The following GALNT17 variants were observed in gnomAD, a reference collection of about 807,000 sequenced individuals.
The protein encoded by GALNT17 is polypeptide N-acetylgalactosaminyltransferase 17, also known as UDP-GalNAc:polypeptide N-acetylgalactosaminyltransferase-like 3.
GALNT17 carries 29 observed loss-of-function variants against 63.7 expected under a neutral mutation model. The ratio of observed to expected loss-of-function variants is 0.46; its 90% CI spans 0.34 to 0.62. GALNT17 has a LOEUF of 0.62. GALNT17 is among the 20% of genes least tolerant of loss of function. GALNT17 has a pLI of 0.01. For synonymous variants in GALNT17, 305 were observed against 318.3 expected, an observed-to-expected ratio of 0.96 and a Z score of 0.45; for missense variants, 603 against 799.6, an observed-to-expected ratio of 0.75 and a Z score of 2.97.
intron 1 of GALNT17, among the ~76,000 whole-genome samples, chr7:71,236,052 G>C: frequency 6.6e-6 from 1 of 152,058 alleles, no homozygotes; most frequent in East Asian, 1.9e-4. Flanking sequence ...GTGGTGGCAG[G>C]CACCTGTAAT....
At chr7:71,355,515 T>C (rs1792267134) in intron 2 of GALNT17, among the ~76,000 whole-genome samples, 1 of 152,112 alleles carries the variant, frequency 6.6e-6, no homozygotes, top group Admixed American at 6.6e-5. Flanking sequence ...TTTTAAATTT[T>C]ATTGCATAGT....
chr7:71,259,612 C>A (rs547399944), intron 1 of GALNT17, among the ~76,000 whole-genome samples: 1 of 150,590 alleles, frequency 6.6e-6, no homozygotes, highest in African/African-American at 2.4e-5. Context: ...TGGAGACCAA[C>A]AGATCTTGGT....
chr7:71,421,805 A>G (rs1438528601), intron 5 of GALNT17, among the ~76,000 whole-genome samples: 4 of 152,038 alleles, frequency 2.6e-5, no homozygotes, highest in East Asian at 1.9e-4. Flanking sequence ...AAAAAATTAG[A>G]TGGGCGTGGT....
At position 71,154,734 on chromosome 7, in the gene GALNT17, G is replaced by T. The variant is rs577854196; in HGVS notation, c.238+21694G>T. 1.9e-3 allele frequency among the ~76,000 whole-genome samples: 282 copies of T among 149,132 alleles called. 1 individual carries two copies. Among genetic ancestry groups the T allele is most frequent in the Middle Eastern group, 6.9e-3 (2 of 288 alleles). On this transcript the variant is annotated intron_variant, in intron 1 of 10. Transcript: ENST00000333538. ...TGGGACTACAGGCGCCCGCCACCAT[G>T]CCCGGCTAATTTTTTGTATTTTTAG...
intron 5 of GALNT17, among the ~76,000 whole-genome samples, chr7:71,491,806 G>A (rs774832241): frequency 4.6e-5 from 7 of 152,186 alleles, no homozygotes; most frequent in Non-Finnish European, 8.8e-5. Context: ...TGGCCTGGGA[G>A]TCTCACTTTG....
intron 5 of GALNT17, among the ~76,000 whole-genome samples, chr7:71,427,465 A>G (rs1481412387): frequency 6.6e-6 from 1 of 151,868 alleles, no homozygotes; most frequent in Non-Finnish European, 1.5e-5. Context: ...TTTGTTTTCA[A>G]TGTCCACACC....
chr7:71,228,903 C>CT lies in GALNT17; in HGVS notation c.238+95872dup, dbSNP rs577786838. On this transcript the variant is annotated intron_variant, in intron 1 of 10. Coordinates refer to ENST00000333538, the MANE Select transcript of GALNT17 (RefSeq NM_022479.3). ...TATCTTTGGGTGGCAGTCGTTAGCC[C>CT]TTTTTTTTTCCCTCCTCGGCAAAGT... 3.9e-3 allele frequency among the ~76,000 whole-genome samples: 592 copies of CT among 151,392 alleles called. 8 individuals are homozygous for CT. Among genetic ancestry groups the CT allele is most frequent in the East Asian group, 0.036 (188 of 5,152 alleles).
In GALNT17 at chr7:71,161,500, C is replaced by CA. The variant is rs538501021; in HGVS notation, c.238+28461dup. Among the ~76,000 whole-genome samples, 1,086 of 152,280 alleles carry CA rather than the reference C, an allele frequency of 7.1e-3. 5 individuals carry two copies. The highest frequency in any genetic ancestry group is 0.014 in the Middle Eastern group (4 of 294). On this transcript the variant is annotated intron_variant, in intron 1 of 10. Coordinates refer to ENST00000333538, the MANE Select transcript of GALNT17 (RefSeq NM_022479.3). Reference sequence around the variant, plus strand: ...ATTACGAATATGCTTTCCACAGACTCATTTCTTACCTTTCAGTGTTGATCA... The same window carrying CA: ...ATTACGAATATGCTTTCCACAGACTCAATTTCTTACCTTTCAGTGTTGATCA...
chr7:71,134,216 G>A (rs1787740328), intron 1 of GALNT17, among the ~76,000 whole-genome samples: 1 of 152,220 alleles, frequency 6.6e-6, no homozygotes, highest in Non-Finnish European at 1.5e-5. Flanking sequence ...AGAACCCTGT[G>A]TCTGGTTGAC....
intron 1 of GALNT17, among the ~76,000 whole-genome samples, chr7:71,207,239 G>A (rs1394972739): frequency 6.6e-6 from 1 of 152,148 alleles, no homozygotes; most frequent in Non-Finnish European, 1.5e-5. Context: ...AGTAAGCCAC[G>A]TATGTTTATA....
intron 1 of GALNT17, among the ~76,000 whole-genome samples, chr7:71,262,493 A>G (rs1448278067): frequency 2.0e-5 from 3 of 152,092 alleles, no homozygotes; most frequent in African/African-American, 7.2e-5. Flanking sequence ...ATTCTTGGGA[A>G]CTATTATGGG....
intron 5 of GALNT17, among the ~76,000 whole-genome samples, chr7:71,558,605 A>G (rs1789202980): frequency 6.6e-6 from 1 of 152,170 alleles, no homozygotes; most frequent in South Asian, 2.1e-4. Context: ...TTTAAAATAT[A>G]TATACACAGT....
chr7:71,531,537 C>T (rs936842910), intron 5 of GALNT17, among the ~76,000 whole-genome samples: 1 of 152,182 alleles, frequency 6.6e-6, no homozygotes. Flanking sequence ...TTTAAACTTA[C>T]TATGTGCCTG....
intron 5 of GALNT17, among the ~76,000 whole-genome samples, chr7:71,468,714 G>A (rs1448839267): frequency 2.0e-5 from 3 of 152,138 alleles, no homozygotes; most frequent in Non-Finnish European, 4.4e-5. Flanking sequence ...ACTGTGCCCG[G>A]CCCTAGGCTC....
chr7:71,366,495 T>A (rs1054048010), intron 2 of GALNT17, among the ~76,000 whole-genome samples: 1 of 152,104 alleles, frequency 6.6e-6, no homozygotes, highest in Non-Finnish European at 1.5e-5. Context: ...ACAGGAGAAT[T>A]GCTTGAACCT....
intron 6 of GALNT17, among the ~76,000 whole-genome samples, chr7:71,591,931 G>A (rs1789808784): frequency 6.6e-6 from 1 of 152,204 alleles, no homozygotes; most frequent in Admixed American, 6.5e-5. Context: ...TCAAAGTGCT[G>A]AGATTACAGG....
At chr7:71,626,309 T>G (rs993095108) in intron 6 of GALNT17, among the ~76,000 whole-genome samples, 4 of 149,240 alleles carry the variant, frequency 2.7e-5, no homozygotes, top group African/African-American at 9.9e-5. Flanking sequence ...AAGGGAAAAA[T>G]GGCTGCCTCT....
chr7:71,634,925 C>T (rs1461480037), intron 6 of GALNT17, among the ~76,000 whole-genome samples: 2 of 151,456 alleles, frequency 1.3e-5, no homozygotes, highest in Non-Finnish European at 2.9e-5. Context: ...AAAAGGAATG[C>T]CAGCCGGGCA....
At chr7:71,163,259 T>A (rs1788380669) in intron 1 of GALNT17, among the ~76,000 whole-genome samples, 1 of 152,178 alleles carries the variant, frequency 6.6e-6, no homozygotes, top group Admixed American at 6.5e-5. Context: ...CAATTTTGGA[T>A]GCACTGTTTC....
Sources: allele counts gnomAD v4.1 joint callset (sites outside exome capture counted in the v4.1 genomes callset), GRCh38; gene constraint gnomAD v4.1.1; transcripts MANE v1.5; gene names NCBI Gene and HGNC (gene_info 2026-07-23, HGNC 2026-07-21).